RAB5IF: variants seen among roughly 807,000 people sequenced by gnomAD.
RAB5IF encodes RAB5 interacting factor.
RAB5IF carries 15 observed loss-of-function variants against 20.3 expected under a neutral mutation model. That is an observed-to-expected ratio of 0.74 (90% CI 0.50 to 1.14). The LOEUF is 1.14. Among genes scored for constraint, RAB5IF ranks in the 50% most tolerant of loss-of-function variants. The probability of loss-of-function intolerance (pLI) is 0.00; values close to 1 mark genes in which losing one functional copy is unlikely to be tolerated. For missense variants in RAB5IF, 148 were observed against 159.5 expected, an observed-to-expected ratio of 0.93 and a Z score of 0.39; for synonymous variants, 67 against 63.7, an observed-to-expected ratio of 1.05 and a Z score of -0.25.
At position 36,605,903 on chromosome 20, in the gene RAB5IF, TGGCTCAGCCCGCGCGCCCCA is replaced by T; in HGVS notation, c.-45_-26del. On this transcript the variant is annotated 5_prime_UTR_variant, in exon 1 of 4. Coordinates refer to ENST00000344795, the MANE Select transcript of RAB5IF (RefSeq NM_018840.5). The stretch of plus-strand genomic sequence containing the variant: ...TGCGACCCTAGACCCCGACTCCCTT[TGGCTCAGCCCGCGCGCCCCA>T]GGCCCGGCCCGGGCGGCGCGACGGG... The T allele has an allele frequency of 8.2e-7, 1 of 1,217,644 alleles. No individual in the cohort carries two copies. The highest frequency in any genetic ancestry group is 1.1e-6 in the Non-Finnish European group (1 of 918,932). 75.4% of individuals were successfully genotyped at this position (1,217,644 alleles called of 1,614,324 possible). A position where few individuals can be genotyped will look rare whatever the true frequency, so the allele number is the denominator to read the frequency against.
At chr20:36,609,862 G>T in intron 3 of RAB5IF, 132 bp downstream of exon 3, 5 of 1,530,530 alleles carry the variant, frequency 3.3e-6, no homozygotes, top group Non-Finnish European at 4.5e-6. Flanking sequence ...TGAGGCTCAG[G>T]GCCATGGCCT....
At chr20:36,607,259 C>CTTTT (rs1157365481) in intron 1 of RAB5IF, among the ~76,000 whole-genome samples, 4 of 132,880 alleles carry the variant, frequency 3.0e-5, no homozygotes, top group African/African-American at 5.7e-5. Context: ...CTAAATGTAT[C>CTTTT]TTTTTTTTTT....
At chr20:36,609,249 A>ACACACC (rs2039042681) in intron 2 of RAB5IF, among the ~76,000 whole-genome samples, 1 of 134,778 alleles carries the variant, frequency 7.4e-6, no homozygotes, top group African/African-American at 3.2e-5. Context: ...ACACACACAC[A>ACACACC]CACACACTAT....
chr20:36,609,884 C>T, intron 3 of RAB5IF, 154 bp downstream of exon 3: 1 of 1,342,576 alleles, frequency 7.4e-7, no homozygotes, highest in Non-Finnish European at 1.0e-6. Context: ...TGTTGAGCCA[C>T]ATCCCAGAAG....
At chr20:36,606,163 C>T (rs1051973941) in intron 1 of RAB5IF, 98 bp downstream of exon 1, 1 of 755,962 alleles carries the variant, frequency 1.3e-6, no homozygotes, top group Non-Finnish European at 2.0e-6. Context: ...CGTTCCGGCA[C>T]AATCGAGTAG....
chr20:36,609,156 T>TACATACACACACACACACACAC, intron 2 of RAB5IF, among the ~76,000 whole-genome samples: 12 of 17,064 alleles, frequency 7.0e-4, no homozygotes, highest in Admixed American at 6.2e-4. Flanking sequence ...AGAACTATAT[T>TACATACACACACACACACACAC]ACACACACAC....
chr20:36,608,117 CTG>C, intron 2 of RAB5IF: 2 of 456,006 alleles, frequency 4.4e-6, no homozygotes, highest in Non-Finnish European at 7.7e-6. Flanking sequence ...CACTCTAGTT[CTG>C]CTGTGACCTT....
chr20:36,609,243 A>ACACACACACACC (rs2039041211), intron 2 of RAB5IF, among the ~76,000 whole-genome samples: 1 of 132,338 alleles, frequency 7.6e-6, no homozygotes, highest in Admixed American at 7.5e-5. Flanking sequence ...ACACACACAC[A>ACACACACACACC]CACACACACA....
chr20:36,607,464 A>G (rs2038961341), intron 1 of RAB5IF, among the ~76,000 whole-genome samples: 1 of 152,158 alleles, frequency 6.6e-6, no homozygotes, highest in South Asian at 2.1e-4. Flanking sequence ...TCCTGACATC[A>G]GGTGATCCAC....
chr20:36,611,053 A>C (rs2039100005), intron 3 of RAB5IF, among the ~76,000 whole-genome samples: 2 of 152,286 alleles, frequency 1.3e-5, no homozygotes, highest in South Asian at 4.1e-4. Flanking sequence ...GCAGTGGCGC[A>C]GTCTTGGCTC....
At chr20:36,610,961 A>C (rs936322138) in intron 3 of RAB5IF, among the ~76,000 whole-genome samples, 7 of 152,128 alleles carry the variant, frequency 4.6e-5, no homozygotes, top group Non-Finnish European at 8.8e-5. Context: ...TGATGTTTGC[A>C]CAACTGTTCC....
At chr20:36,609,173 A>C (rs1379765320) in intron 2 of RAB5IF, among the ~76,000 whole-genome samples, 1 of 21,978 alleles carries the variant, frequency 4.6e-5, no homozygotes, top group East Asian at 1.1e-3. Context: ...ACACACACAC[A>C]CACACACACA....
chr20:36,609,899 G>A, intron 3 of RAB5IF, 169 bp downstream of exon 3: 3 of 1,144,066 alleles, frequency 2.6e-6, no homozygotes, highest in South Asian at 1.4e-5. Context: ...CAGAAGATGT[G>A]GTCTGATATA....
rs536540096 is a variant in RAB5IF at position 36,607,108 on chromosome 20, C to T, written c.115-607C>T. Among the ~76,000 whole-genome samples the T allele has an allele frequency of 5.3e-5, 8 of 152,252 alleles. No homozygotes were observed. The South Asian group carries it at 1.7e-3, about 32-fold the overall frequency. On this transcript the variant is annotated intron_variant, in intron 1 of 3. Coordinates refer to ENST00000344795, the MANE Select transcript of RAB5IF (RefSeq NM_018840.5). ...AACTTAAATATAGTGGCACCTGCCTCCAGCATTTATGGTTCTAATCCGTAT... is the reference window on the plus strand; with the variant it reads ...AACTTAAATATAGTGGCACCTGCCTTCAGCATTTATGGTTCTAATCCGTAT...
At chr20:36,608,927 T>C (rs1472929800) in intron 2 of RAB5IF, among the ~76,000 whole-genome samples, 1 of 151,620 alleles carries the variant, frequency 6.6e-6, no homozygotes, top group Non-Finnish European at 1.5e-5. Flanking sequence ...ATCTTTACGT[T>C]TGCATCCCGT....
intron 3 of RAB5IF, 188 bp downstream of exon 3, chr20:36,609,918 T>TC (rs1339637376): frequency 2.4e-6 from 2 of 841,134 alleles, no homozygotes; most frequent in Non-Finnish European, 3.7e-6. Flanking sequence ...TACTGTACAG[T>TC]CCCCTGTAAT....
At chr20:36,611,910 A>T in intron 3 of RAB5IF, 100 bp from the exon 4 acceptor site, 1 of 1,494,014 alleles carries the variant, frequency 6.7e-7, no homozygotes, top group Non-Finnish European at 9.3e-7. Context: ...TAGCCCCTGG[A>T]GAGTGCCCCG....
chr20:36,609,168 C>CATAT (rs2039017026), intron 2 of RAB5IF, among the ~76,000 whole-genome samples: 1 of 43,922 alleles, frequency 2.3e-5, no homozygotes, highest in Non-Finnish European at 4.9e-5. Context: ...CACACACACA[C>CATAT]ACACACACAC....
At chr20:36,609,012 C>G (rs988641603) in intron 2 of RAB5IF, among the ~76,000 whole-genome samples, 3 of 151,734 alleles carry the variant, frequency 2.0e-5, no homozygotes, top group African/African-American at 4.8e-5. Context: ...GTTGCTTGCT[C>G]AACTAGGCTA....
Sources: gnomAD v4.1 joint callset for allele counts (sites outside exome capture counted in the v4.1 genomes callset) on GRCh38, gnomAD v4.1.1 for gene constraint, MANE v1.5 for transcripts, NCBI Gene and HGNC (gene_info 2026-07-23, HGNC 2026-07-21) for gene names.